Variants in EPYC observed in about 807,000 individuals in gnomAD.
EPYC encodes dermatan sulfate proteoglycan 3.
A neutral mutation model predicts 30.1 loss-of-function variants in EPYC; 28 were observed. That is an observed-to-expected ratio of 0.93 (90% CI 0.69 to 1.28). The LOEUF is 1.28. Among genes scored for constraint, EPYC ranks in the 50% most tolerant of loss-of-function variants. The probability of loss-of-function intolerance (pLI) is 0.00; values close to 1 mark genes in which losing one functional copy is unlikely to be tolerated. For synonymous variants in EPYC, 144 were observed against 141.4 expected, an observed-to-expected ratio of 1.02 and a Z score of -0.13; for missense variants, 382 against 383.5, an observed-to-expected ratio of 1.00 and a Z score of 0.03.
At position 90,977,273 on chromosome 12, in the gene EPYC, T is replaced by G. The variant is rs544987581; in HGVS notation, c.340+815A>C. 3.3e-5 allele frequency among the ~76,000 whole-genome samples: 5 copies of G among 152,268 alleles called. No homozygotes were observed. The East Asian group carries it at 9.6e-4, about 29-fold the overall frequency. On this transcript the variant is annotated intron_variant, in intron 3 of 6. Transcript: ENST00000261172. Reference sequence around the variant, plus strand: ...AAAAGTATTCCAGTGTGAGTCCTCTTGAGTACCCCCAAGGTTGACAGTGAC... The same window carrying G: ...AAAAGTATTCCAGTGTGAGTCCTCTGGAGTACCCCCAAGGTTGACAGTGAC...
Position 90,972,861 on chromosome 12 carries a change from TGTTAAA to T in EPYC, c.454_459del (p.Phe152_Asn153del). On this transcript the variant is annotated inframe_deletion, in exon 4 of 7. Transcript: ENST00000261172. ...TCATTTTTGTTGATCTTTTTAATTC[TGTTAAA>T]GCGGGAATAGAAATAAGCGGTGTTC... The T allele has an allele frequency of 6.2e-7, 1 of 1,613,778 alleles. No individual in the cohort carries two copies. The highest frequency in any genetic ancestry group is 8.5e-7 in the Non-Finnish European group (1 of 1,179,764).
rs777931009 is a variant in EPYC, at chr12:91,002,401, C to A, written c.165G>T (p.Glu55Asp). The A allele has an allele frequency of 6.2e-7, 1 of 1,610,404 alleles. No individual in the cohort carries two copies. The highest frequency in any genetic ancestry group is 2.2e-5 in the East Asian group (1 of 44,664). ...TTTCAAGAGTAGGAGGATCGATTAC[C>A]TCAACTTTATCAACAGGTATGTTTT... ...NYENIPVDKV[E>D]IEIATVMPSG... is the part of the protein sequence containing the mutation. The change falls in exon 2 of 7, where the codon GAG becomes GAT. Residue 55 changes from glutamate to aspartate, a missense_variant and splice_region_variant. Glu to Asp is a conservative substitution (Grantham distance 45). Coordinates refer to ENST00000261172, the MANE Select transcript of EPYC (RefSeq NM_004950.5).
intron 2 of EPYC, among the ~76,000 whole-genome samples, chr12:90,994,242 C>T (rs368153505): frequency 1.3e-5 from 2 of 152,246 alleles, no homozygotes. Flanking sequence ...GAATCCCTTC[C>T]TTTAAGGCAT....
At chr12:90,991,220 A>G (rs1357829694) in intron 2 of EPYC, among the ~76,000 whole-genome samples, 2 of 152,186 alleles carry the variant, frequency 1.3e-5, no homozygotes, top group Non-Finnish European at 2.9e-5. Context: ...TCATGCCTAT[A>G]TGTGTACACA....
chr12:90,999,520 AT>A (rs2120870217), intron 2 of EPYC, among the ~76,000 whole-genome samples: 1 of 152,028 alleles, frequency 6.6e-6, no homozygotes, highest in East Asian at 1.9e-4. Context: ...TCATCCTACC[AT>A]TTTCCATGTG....
chr12:90,996,632 T>G (rs1877698538), intron 2 of EPYC, among the ~76,000 whole-genome samples: 1 of 152,028 alleles, frequency 6.6e-6, no homozygotes, highest in Admixed American at 6.6e-5. Context: ...ATTCATCATC[T>G]GTAACTGCTG....
chr12:90,981,339 G>A (rs1877320170), intron 2 of EPYC, among the ~76,000 whole-genome samples: 1 of 152,100 alleles, frequency 6.6e-6, no homozygotes, highest in Non-Finnish European at 1.5e-5. Flanking sequence ...CTAAGTTTCT[G>A]CTCCCTGGAG....
At chr12:90,970,860 T>C (rs1203265898) in intron 5 of EPYC, among the ~76,000 whole-genome samples, 1 of 152,222 alleles carries the variant, frequency 6.6e-6, no homozygotes, top group African/African-American at 2.4e-5. Flanking sequence ...GTGGTGTCTC[T>C]CTAAAGAGTA....
At chr12:90,996,410 G>A (rs1877694162) in intron 2 of EPYC, among the ~76,000 whole-genome samples, 2 of 151,480 alleles carry the variant, frequency 1.3e-5, no homozygotes, top group Admixed American at 1.3e-4. Context: ...TAAGTTCAGG[G>A]GATACATGCA....
intron 6 of EPYC, among the ~76,000 whole-genome samples, chr12:90,965,110 T>C (rs992213013): frequency 6.6e-6 from 1 of 152,216 alleles, no homozygotes; most frequent in Non-Finnish European, 1.5e-5. Flanking sequence ...GAATTATATA[T>C]AAATTTTTTG....
At chr12:90,974,205 A>G (rs1279934740) in intron 3 of EPYC, among the ~76,000 whole-genome samples, 1 of 152,080 alleles carries the variant, frequency 6.6e-6, no homozygotes, top group Admixed American at 6.6e-5. Context: ...CATGGAGGCC[A>G]TGTGGGGAGA....
At chr12:90,999,698 C>T (rs928152837) in intron 2 of EPYC, among the ~76,000 whole-genome samples, 1 of 152,032 alleles carries the variant, frequency 6.6e-6, no homozygotes, top group African/African-American at 2.4e-5. Flanking sequence ...TCTGGACTTC[C>T]AGGACTGCAT....
intron 2 of EPYC, among the ~76,000 whole-genome samples, chr12:90,982,392 AT>A (rs1165733019): frequency 2.0e-5 from 3 of 151,962 alleles, no homozygotes; most frequent in Non-Finnish European, 4.4e-5. Context: ...ATTTTATAGC[AT>A]TTTCATCACC....
intron 2 of EPYC, among the ~76,000 whole-genome samples, chr12:91,001,930 T>C (rs1592633408): frequency 6.6e-6 from 1 of 152,016 alleles, no homozygotes; most frequent in East Asian, 1.9e-4. Context: ...GGCTTACACC[T>C]GTAATCCCAG....
chr12:90,973,822 T>C (rs890072499), intron 3 of EPYC, among the ~76,000 whole-genome samples: 2 of 152,172 alleles, frequency 1.3e-5, no homozygotes, highest in East Asian at 3.9e-4. Context: ...CCCATAAGGA[T>C]GGGCAGAGGT....
chr12:91,002,578 C>G lies in EPYC; in HGVS notation c.-13G>C. 1 of 1,593,098 alleles carries G rather than the reference C, an allele frequency of 6.3e-7. No homozygotes were observed. The highest frequency in any genetic ancestry group is 8.5e-7 in the Non-Finnish European group (1 of 1,171,878). ...CTAATGTCTTCATTTTTCAAGCTTT[C>G]CTAATTATAAAATATTAAAATGCAT... On this transcript the variant is annotated splice_region_variant and 5_prime_UTR_variant, in exon 2 of 7. Transcript: ENST00000261172.
chr12:91,002,973 T>C (rs1877867332), intron 1 of EPYC, among the ~76,000 whole-genome samples: 2 of 152,102 alleles, frequency 1.3e-5, no homozygotes, highest in African/African-American at 4.8e-5. Context: ...ACGGTGATGA[T>C]GACTGCAACT....
chr12:90,978,038 T>A (rs755938506), intron 3 of EPYC, 50 bp downstream of exon 3: 13 of 1,477,436 alleles, frequency 8.8e-6, no homozygotes, highest in Non-Finnish European at 1.2e-5. Context: ...TGTGCAGTTT[T>A]GAGGATGACA....
intron 5 of EPYC, among the ~76,000 whole-genome samples, chr12:90,971,042 GA>G (rs531732333): frequency 5.1e-4 from 77 of 152,298 alleles, no homozygotes; most frequent in Admixed American, 1.8e-3. Context: ...AAGGCTAACT[GA>G]ATCCATCCTC....
Sources: gnomAD v4.1 joint callset for allele counts (sites outside exome capture counted in the v4.1 genomes callset) on GRCh38, gnomAD v4.1.1 for gene constraint, MANE v1.5 for transcripts, NCBI Gene and HGNC (gene_info 2026-07-23, HGNC 2026-07-21) for gene names.